Variants in UNC79 observed in about 807,000 individuals in gnomAD.
The protein encoded by UNC79 is protein unc-79 homolog.
Under a neutral mutation model 283.1 loss-of-function variants are expected in UNC79, and 37 were observed. The observed-to-expected ratio is 0.13, with a 90% CI of 0.10 to 0.17. UNC79 has a LOEUF of 0.17. UNC79 is among the 10% of genes least tolerant of loss of function. The probability of loss-of-function intolerance (pLI) is 1.00; values close to 1 mark genes in which losing one functional copy is unlikely to be tolerated. For missense variants in UNC79, 2,272 were observed against 3,211.1 expected (o/e 0.71, Z 7.07); for synonymous variants, 1,107 against 1,200.2 (o/e 0.92, Z 1.61).
In UNC79 at chr14:93,450,586, A is replaced by G. The variant is rs1309010448; in HGVS notation, c.23-17085A>G. On this transcript the variant is annotated intron_variant, in intron 1 of 48. Transcript: ENST00000555664. ...TTCTACTTTGGGAACATTGTTTTTC[A>G]GGGTTTTGAAGGCATTGCTTCATCG... 2.6e-5 allele frequency among the ~76,000 whole-genome samples: 4 copies of G among 152,210 alleles called. No homozygotes were observed. In the East Asian group the frequency reaches 7.7e-4, roughly 29 times the overall value.
intron 5 of UNC79, among the ~76,000 whole-genome samples, chr14:93,491,017 G>A (rs1452488898): frequency 6.6e-6 from 1 of 152,150 alleles, no homozygotes; most frequent in African/African-American, 2.4e-5. Flanking sequence ...AGTTCCAGGG[G>A]CTGGGAAGTC....
At chr14:93,582,410 T>C in intron 20 of UNC79, 66 bp downstream of exon 20, 2 of 1,583,752 alleles carry the variant, frequency 1.3e-6, no homozygotes, top group Non-Finnish European at 8.6e-7. Context: ...AATCACCGGG[T>C]TCTTGGTTTA....
In UNC79 at chr14:93,341,371, C is replaced by A. The variant is rs575874322; in HGVS notation, c.-351+7848C>A. The stretch of plus-strand genomic sequence containing the variant: ...ACTCAGGCGGCTGAGACAGGAGAAT[C>A]GCTTGAACTTGGGAGGCAGAGGTTG... On this transcript the variant is annotated intron_variant, in intron 1 of 49. Transcript: ENST00000256339. 2.2e-4 allele frequency among the ~76,000 whole-genome samples: 34 copies of A among 152,030 alleles called. No homozygotes were observed. The South Asian group carries it at 6.9e-3, about 31-fold the overall frequency.
At chr14:93,442,055 A>G (rs1022785900) in intron 1 of UNC79, among the ~76,000 whole-genome samples, 3 of 152,100 alleles carry the variant, frequency 2.0e-5, no homozygotes, top group African/African-American at 7.2e-5. Flanking sequence ...AATTTGTCAC[A>G]TCATTTTTTT....
intron 7 of UNC79, among the ~76,000 whole-genome samples, chr14:93,508,793 C>T (rs571935516): frequency 6.6e-6 from 1 of 152,182 alleles, no homozygotes; most frequent in East Asian, 1.9e-4. Flanking sequence ...GTTGGATTTT[C>T]TATATAGGCA....
chr14:93,488,581 A>G (rs972186161), intron 5 of UNC79, among the ~76,000 whole-genome samples: 8 of 152,166 alleles, frequency 5.3e-5, no homozygotes, highest in African/African-American at 1.9e-4. Context: ...TTTTATTTCA[A>G]AATCTGAATG....
chr14:93,704,407 G>A (rs1217281625), intron 47 of UNC79, among the ~76,000 whole-genome samples: 2 of 152,154 alleles, frequency 1.3e-5, no homozygotes, highest in Non-Finnish European at 2.9e-5. Context: ...TGTATCTCAG[G>A]CACTCATGGG....
chr14:93,574,201 C>T (rs1308138739), intron 16 of UNC79, among the ~76,000 whole-genome samples: 2 of 152,156 alleles, frequency 1.3e-5, no homozygotes, highest in African/African-American at 4.8e-5. Context: ...AGCTTTGTCC[C>T]CCCCTATAGC....
At chr14:93,369,228 G>A (rs1174191357) in intron 1 of UNC79, among the ~76,000 whole-genome samples, 1 of 152,194 alleles carries the variant, frequency 6.6e-6, no homozygotes, top group South Asian at 2.1e-4. Flanking sequence ...ATAAACTTGT[G>A]TGAAATTCTT....
At chr14:93,678,143 C>T (rs186756872) in intron 41 of UNC79, among the ~76,000 whole-genome samples, 2 of 152,308 alleles carry the variant, frequency 1.3e-5, no homozygotes, top group Admixed American at 1.3e-4. Context: ...GGCACTTGGA[C>T]AACCAGGCTT....
chr14:93,642,939 G>T (rs183254277), intron 33 of UNC79, among the ~76,000 whole-genome samples: 8 of 152,278 alleles, frequency 5.3e-5, no homozygotes, highest in African/African-American at 1.9e-4. Flanking sequence ...AAGAGCGGTA[G>T]GTTGGAAGTT....
chr14:93,502,592 G>T (rs1466858321), intron 7 of UNC79, among the ~76,000 whole-genome samples: 2 of 152,176 alleles, frequency 1.3e-5, no homozygotes, highest in African/African-American at 4.8e-5. Flanking sequence ...GGGAGAGAAA[G>T]AAATTATTTA....
chr14:93,359,899 G>T (rs2054184837), intron 1 of UNC79, among the ~76,000 whole-genome samples: 1 of 152,200 alleles, frequency 6.6e-6, no homozygotes, highest in Admixed American at 6.5e-5. Context: ...GAGACATCCA[G>T]CCTTTTACCA....
chr14:93,603,143 T>C, intron 25 of UNC79, 96 bp from the exon 26 acceptor site: 1 of 1,375,248 alleles, frequency 7.3e-7, no homozygotes. Context: ...TGTATTTTAA[T>C]ATTGAAACTC....
chr14:93,644,930 A>G (rs1016216490), intron 34 of UNC79, among the ~76,000 whole-genome samples: 1 of 152,170 alleles, frequency 6.6e-6, no homozygotes, highest in Non-Finnish European at 1.5e-5. Flanking sequence ...CCATGTGCCA[A>G]GTAAGGGATG....
intron 1 of UNC79, among the ~76,000 whole-genome samples, chr14:93,458,956 A>G (rs542118407): frequency 6.6e-6 from 1 of 152,336 alleles, no homozygotes; most frequent in African/African-American, 2.4e-5. Context: ...AAAATTTTGG[A>G]AGCAGATATA....
chr14:93,469,756 A>G (rs1330753452), intron 2 of UNC79, among the ~76,000 whole-genome samples: 1 of 152,032 alleles, frequency 6.6e-6, no homozygotes, highest in Non-Finnish European at 1.5e-5. Context: ...GGTGGCATGC[A>G]CCTTTAGTCC....
At chr14:93,699,279 C>G (rs2075366571) in intron 47 of UNC79, among the ~76,000 whole-genome samples, 1 of 152,034 alleles carries the variant, frequency 6.6e-6, no homozygotes, top group Non-Finnish European at 1.5e-5. Context: ...CTTTTTGTGC[C>G]TTCTTTTGGA....
At chr14:93,506,514 A>G (rs1426815310) in intron 7 of UNC79, among the ~76,000 whole-genome samples, 1 of 152,186 alleles carries the variant, frequency 6.6e-6, no homozygotes, top group African/African-American at 2.4e-5. Flanking sequence ...GTTTCTATAA[A>G]AAATTGACTA....
Sources: gnomAD v4.1 joint callset for allele counts (sites outside exome capture counted in the v4.1 genomes callset) on GRCh38, gnomAD v4.1.1 for gene constraint, MANE v1.5 for transcripts, NCBI Gene and HGNC (gene_info 2026-07-23, HGNC 2026-07-21) for gene names.